NAV2: variants seen among roughly 807,000 people sequenced by gnomAD.
NAV2 encodes the protein neuron navigator 2, also known as helicase, APC down-regulated 1.
Under a neutral mutation model 223.2 loss-of-function variants are expected in NAV2, and 54 were observed. The observed-to-expected ratio is 0.24, with a 90% CI of 0.19 to 0.30. The LOEUF is 0.30. Ranked by LOEUF, NAV2 falls within the 10% of genes least tolerant of loss-of-function variation. The probability of loss-of-function intolerance (pLI) is 1.00; values close to 1 mark genes in which losing one functional copy is unlikely to be tolerated. For missense variants in NAV2, 2,806 were observed against 3,147.5 expected (o/e 0.89, Z 2.60); for synonymous variants, 1,279 against 1,239.3 (o/e 1.03, Z -0.67).
At chr11:19,924,740 G>A (rs1453267934) in intron 6 of NAV2, among the ~76,000 whole-genome samples, 1 of 152,220 alleles carries the variant, frequency 6.6e-6, no homozygotes, top group Non-Finnish European at 1.5e-5. Flanking sequence ...TAGTTTTAGA[G>A]AGAACTGACA....
Position 19,456,820 on chromosome 11 carries a change from C to T in NAV2, c.75+105793C>T, listed in dbSNP as rs1460202118. Among the ~76,000 whole-genome samples the T allele has an allele frequency of 2.6e-5, 4 of 152,338 alleles. No individual in the cohort carries two copies. In the East Asian group the frequency reaches 7.7e-4, roughly 29 times the overall value. ...GCAGTTTCCTGTTATGGCTGGACTG[C>T]TCCTTCCCAGGACTAGACTCTCCTG... On this transcript the variant is annotated intron_variant, in intron 1 of 37. Transcript: ENST00000360655.
intron 1 of NAV2, among the ~76,000 whole-genome samples, chr11:19,811,936 T>A (rs2058854478): frequency 1.3e-5 from 2 of 152,196 alleles, no homozygotes; most frequent in African/African-American, 4.8e-5. Context: ...GTCTTTAGAA[T>A]CCTTTGCCTG....
At chr11:20,014,784 C>T (rs1429702751) in intron 11 of NAV2, among the ~76,000 whole-genome samples, 1 of 152,108 alleles carries the variant, frequency 6.6e-6, no homozygotes, top group Non-Finnish European at 1.5e-5. Flanking sequence ...CACCTGTAGT[C>T]ACAGCTACTT....
At chr11:19,894,160 T>C (rs986193840) in intron 6 of NAV2, among the ~76,000 whole-genome samples, 3 of 152,204 alleles carry the variant, frequency 2.0e-5, no homozygotes, top group African/African-American at 7.2e-5. Flanking sequence ...AAGATGAAAC[T>C]AAAGCAAAGA....
chr11:19,405,321 A>G (rs1375469797), intron 1 of NAV2, among the ~76,000 whole-genome samples: 5 of 152,058 alleles, frequency 3.3e-5, no homozygotes, highest in African/African-American at 1.2e-4. Context: ...CCAGATATTG[A>G]TTGTTTTTCA....
chr11:19,694,755 A>G (rs1341282882), intron 1 of NAV2, among the ~76,000 whole-genome samples: 1 of 152,102 alleles, frequency 6.6e-6, no homozygotes, highest in East Asian at 1.9e-4. Context: ...GGGTGCAGGG[A>G]CCACCCAAGG....
rs72895707 is a variant in NAV2, at chr11:19,802,447, C to T, written c.268-30037C>T. On this transcript the variant is annotated intron_variant, in intron 1 of 37. Transcript: ENST00000349880. ...AGCAACTTTATGTGATTGCTGAGGC[C>T]TCCCCAGCCACCTGTGATCTGTGAA... Among the ~76,000 whole-genome samples the T allele has an allele frequency of 3.7e-3, 564 of 152,264 alleles. 2 individuals carry two copies. Among genetic ancestry groups the T allele is most frequent in the Admixed American group, 8.0e-3 (123 of 15,298 alleles).
At chr11:19,770,501 G>A (rs377728527) in intron 1 of NAV2, among the ~76,000 whole-genome samples, 16 of 152,134 alleles carry the variant, frequency 1.1e-4, no homozygotes. Context: ...GGTGGTGGGT[G>A]GGGAGGGGGC....
intron 24 of NAV2, 52 bp downstream of exon 24, chr11:20,078,156 C>T (rs895829870): frequency 1.5e-6 from 2 of 1,298,966 alleles, no homozygotes; most frequent in Non-Finnish European, 2.2e-6. Flanking sequence ...CCCTTAGGAG[C>T]CCTCCCCTGA....
intron 1 of NAV2, among the ~76,000 whole-genome samples, chr11:19,445,038 C>T (rs1851534008): frequency 1.3e-5 from 2 of 152,202 alleles, no homozygotes; most frequent in African/African-American, 4.8e-5. Flanking sequence ...TCATCTCCAT[C>T]TTCATCATCA....
At chr11:20,022,855 T>A in intron 11 of NAV2, 1 of 1,299,260 alleles carries the variant, frequency 7.7e-7, no homozygotes, top group Non-Finnish European at 9.7e-7. Context: ...ACAGCTGACT[T>A]GATACCAGCA....
At chr11:19,389,041 T>C (rs529519587) in intron 1 of NAV2, among the ~76,000 whole-genome samples, 1 of 152,370 alleles carries the variant, frequency 6.6e-6, no homozygotes, top group South Asian at 2.1e-4. Flanking sequence ...TCTGGTTTTT[T>C]ACCAGCCTCC....
chr11:19,800,075 T>C (rs74470196), intron 1 of NAV2, among the ~76,000 whole-genome samples: 2,199 of 152,306 alleles, frequency 0.014, 59 homozygotes, highest in African/African-American at 0.051. Flanking sequence ...TGACACACTT[T>C]GTTTGATTAA....
intron 3 of NAV2, among the ~76,000 whole-genome samples, chr11:19,846,994 C>G (rs1385690142): frequency 6.6e-6 from 1 of 152,218 alleles, no homozygotes; most frequent in East Asian, 1.9e-4. Flanking sequence ...AATTCATCCC[C>G]TTGGCCCTTA....
chr11:19,359,702 T>A (rs1273388675), intron 1 of NAV2, among the ~76,000 whole-genome samples: 1 of 152,122 alleles, frequency 6.6e-6, no homozygotes, highest in Non-Finnish European at 1.5e-5. Context: ...TTCCAAAAAA[T>A]AGAATGCATT....
intron 1 of NAV2, among the ~76,000 whole-genome samples, chr11:19,388,681 C>T (rs183978007): frequency 1.3e-5 from 2 of 152,252 alleles, no homozygotes; most frequent in South Asian, 2.1e-4. Flanking sequence ...ACGAAATAAA[C>T]GTTAGCAGTG....
intron 2 of NAV2, among the ~76,000 whole-genome samples, chr11:19,835,612 C>A (rs1244085671): frequency 6.6e-6 from 1 of 152,080 alleles, no homozygotes; most frequent in Admixed American, 6.5e-5. Flanking sequence ...TCCATGCTTT[C>A]CGCCATACAT....
chr11:19,846,303 C>A (rs2060805607), intron 3 of NAV2, among the ~76,000 whole-genome samples: 1 of 152,124 alleles, frequency 6.6e-6, no homozygotes, highest in Non-Finnish European at 1.5e-5. Context: ...GCTCTTCTAG[C>A]CTCTGGGCAG....
At position 19,749,991 on chromosome 11, in the gene NAV2, C is replaced by G. The variant is rs577871415; in HGVS notation, c.267+36029C>G. Reference sequence around the variant, plus strand: ...GTTCTTGACTCTTGAAAATTATACTCTGATGTACTTCAAAGGGATTCTAAT... The same window carrying G: ...GTTCTTGACTCTTGAAAATTATACTGTGATGTACTTCAAAGGGATTCTAAT... On this transcript the variant is annotated intron_variant, in intron 1 of 37. Coordinates refer to ENST00000349880, the MANE Select transcript of NAV2 (RefSeq NM_145117.5). Among the ~76,000 whole-genome samples, 17 of 152,334 alleles carry G rather than the reference C, an allele frequency of 1.1e-4. No homozygotes were observed. The South Asian group carries it at 3.5e-3, about 32-fold the overall frequency.
Sources: allele counts gnomAD v4.1 joint callset (sites outside exome capture counted in the v4.1 genomes callset), GRCh38; gene constraint gnomAD v4.1.1; transcripts MANE v1.5; gene names NCBI Gene and HGNC (gene_info 2026-07-23, HGNC 2026-07-21).